Variants in COL5A2 observed in about 807,000 individuals in gnomAD.
COL5A2 encodes collagen alpha-2(V) chain.
Under a neutral mutation model 208.2 loss-of-function variants are expected in COL5A2, and 23 were observed. The observed-to-expected ratio is 0.11, with a 90% confidence interval of 0.08 to 0.16. The LOEUF is 0.16. Ranked by LOEUF, COL5A2 falls within the 10% of genes least tolerant of loss-of-function variation. COL5A2 has a pLI of 1.00. For synonymous variants in COL5A2, 625 were observed against 628.5 expected (o/e 0.99, Z 0.08); for missense variants, 1,590 against 1,956.4 (o/e 0.81, Z 3.53).
chr2:189,097,706 T>C, intron 5 of COL5A2: 1 of 470,706 alleles, frequency 2.1e-6, no homozygotes, highest in Non-Finnish European at 4.2e-6. Context: ...TTTTGAAAAT[T>C]ACATAAATGT....
At chr2:189,302,584 G>A in the COL5A2 span, among the ~76,000 whole-genome samples, 1 of 152,118 alleles carries the variant, frequency 6.6e-6, no homozygotes, top group African/African-American at 2.4e-5. Context: ...CATTATGTGT[G>A]GTTTTGCTTT....
intron 29 of COL5A2, 43 bp downstream of exon 29, chr2:189,062,822 G>A (rs1355873149): frequency 3.1e-6 from 5 of 1,606,436 alleles, no homozygotes; most frequent in Non-Finnish European, 4.3e-6. Context: ...TGCAATGTGT[G>A]TATATATATA....
At chr2:189,327,710 A>G in the COL5A2 span, among the ~76,000 whole-genome samples, 3 of 152,236 alleles carry the variant, frequency 2.0e-5, no homozygotes, top group Admixed American at 6.5e-5. Context: ...AATTACTCAA[A>G]TACAAATAAC....
intron 1 of COL5A2, among the ~76,000 whole-genome samples, chr2:189,153,992 C>A (rs189175715): frequency 6.6e-6 from 1 of 152,086 alleles, no homozygotes; most frequent in Non-Finnish European, 1.5e-5. Context: ...AAAATTGCAA[C>A]CTACTGACTG....
intron 1 of COL5A2, among the ~76,000 whole-genome samples, chr2:189,145,043 C>T (rs1357106746): frequency 6.6e-6 from 1 of 152,122 alleles, no homozygotes; most frequent in East Asian, 1.9e-4. Context: ...TAGTCTACAA[C>T]CAGAATTGCC....
At chr2:189,054,101 G>C (rs1685850191) in intron 36 of COL5A2, 58 bp downstream of exon 36, 5 of 1,490,516 alleles carry the variant, frequency 3.4e-6, no homozygotes, top group Non-Finnish European at 4.7e-6. Context: ...ATTTATGAAA[G>C]AGCCTGCTAT....
chr2:189,040,916 T>C (rs2153506723), intron 50 of COL5A2, among the ~76,000 whole-genome samples: 1 of 152,246 alleles, frequency 6.6e-6, no homozygotes, highest in South Asian at 2.1e-4. Flanking sequence ...GAAGTAAATA[T>C]CTGGCTTAAC....
the COL5A2 span, among the ~76,000 whole-genome samples, chr2:189,355,594 A>T: frequency 6.6e-6 from 1 of 152,078 alleles, no homozygotes; most frequent in African/African-American, 2.4e-5. Flanking sequence ...AGAGACTAGG[A>T]TTGCAACTCC....
the COL5A2 span, among the ~76,000 whole-genome samples, chr2:189,381,034 C>T: frequency 2.0e-5 from 3 of 151,704 alleles, no homozygotes; most frequent in African/African-American, 7.3e-5. Context: ...AAAACTAAAC[C>T]GTGGGAATTA....
chr2:189,144,554 T>C (rs1213500356), intron 1 of COL5A2, among the ~76,000 whole-genome samples: 1 of 151,528 alleles, frequency 6.6e-6, no homozygotes, highest in African/African-American at 2.4e-5. Flanking sequence ...ATATGTTATA[T>C]GTATATATTA....
chr2:189,150,256 T>TTATTAGATTGTAACAATCGTAACAA (rs1422507569), intron 1 of COL5A2, among the ~76,000 whole-genome samples: 1 of 152,186 alleles, frequency 6.6e-6, no homozygotes, highest in Non-Finnish European at 1.5e-5. Flanking sequence ...ACAATCGTAC[T>TTATTAGATTGTAACAATCGTAACAA]TTAGAGATGA....
chr2:189,128,007 G>A (rs1340339294), intron 1 of COL5A2, among the ~76,000 whole-genome samples: 1 of 152,020 alleles, frequency 6.6e-6, no homozygotes, highest in African/African-American at 2.4e-5. Context: ...AATGGTAAGT[G>A]TAGGAAAGAG....
chr2:189,338,615 T>A, the COL5A2 span, among the ~76,000 whole-genome samples: 4 of 151,480 alleles, frequency 2.6e-5, no homozygotes, highest in Non-Finnish European at 1.5e-5. Flanking sequence ...TGTGGCTTTT[T>A]CTGATAATAA....
the COL5A2 span, among the ~76,000 whole-genome samples, chr2:189,260,004 A>G: frequency 1.3e-5 from 2 of 152,214 alleles, no homozygotes; most frequent in East Asian, 3.8e-4. Context: ...CCAATGCTGG[A>G]TACAACGATA....
At chr2:189,180,300 G>T (rs777260578), upstream of COL5A2, among the ~76,000 whole-genome samples, 3 of 152,090 alleles carry the variant, frequency 2.0e-5, no homozygotes, top group Non-Finnish European at 4.4e-5. Context: ...TTAGAATGTT[G>T]CCCAGGTAAA....
Position 189,178,676 on chromosome 2 carries a change from A to G in COL5A2, c.97+832T>C, listed in dbSNP as rs1688724055. Among the ~76,000 whole-genome samples the G allele has an allele frequency of 2.0e-5, 3 of 150,710 alleles. No individual in the cohort carries two copies. The South Asian group carries it at 6.3e-4, about 32-fold the overall frequency. ...CTGTAACATATGAAAATTGCATAGG[A>G]AAAAAATGTGGTCACCAGGCAAGAT... On this transcript the variant is annotated intron_variant, in intron 1 of 53. Transcript: ENST00000374866.
the COL5A2 span, among the ~76,000 whole-genome samples, chr2:189,394,591 T>C: frequency 6.6e-6 from 1 of 152,232 alleles, no homozygotes; most frequent in Admixed American, 6.5e-5. Flanking sequence ...GACTTCCATC[T>C]TCCAGAACCA....
chr2:189,405,292 C>T, the COL5A2 span, among the ~76,000 whole-genome samples: 3 of 151,536 alleles, frequency 2.0e-5, no homozygotes, highest in African/African-American at 7.3e-5. Flanking sequence ...AGTGCAGTGG[C>T]ACAATCTTGG....
chr2:189,165,864 G>A (rs1271635078), intron 1 of COL5A2, among the ~76,000 whole-genome samples: 2 of 152,182 alleles, frequency 1.3e-5, no homozygotes, highest in African/African-American at 2.4e-5. Context: ...CTGAGTCAGT[G>A]TCCTACTCCT....
Sources: allele counts gnomAD v4.1 joint callset (sites outside exome capture counted in the v4.1 genomes callset), GRCh38; gene constraint gnomAD v4.1.1; transcripts MANE v1.5; gene names NCBI Gene and HGNC (gene_info 2026-07-23, HGNC 2026-07-21).